EDAR: variants seen among roughly 807,000 people sequenced by gnomAD.
The protein encoded by EDAR is ectodysplasin A receptor, also known as tumor necrosis factor receptor superfamily member EDAR.
In EDAR, 38 loss-of-function variants were observed where a neutral mutation model predicts 51.3. That is an observed-to-expected ratio of 0.74 (90% CI 0.57 to 0.97). The LOEUF (loss-of-function observed/expected upper bound fraction) is 0.97. Ranked by LOEUF, EDAR falls within the 50% of genes least tolerant of loss-of-function variation. The pLI, the probability that EDAR is intolerant of heterozygous loss-of-function variation, is 0.00. For missense variants in EDAR, 528 were observed against 595.0 expected, an observed-to-expected ratio of 0.89 and a Z score of 1.17; for synonymous variants, 227 against 242.1, an observed-to-expected ratio of 0.94 and a Z score of 0.58.
rs143389238 is a variant in EDAR at position 108,917,402 on chromosome 2, G to C, written c.443-4638C>G. Among the ~76,000 whole-genome samples the C allele has an allele frequency of 4.7e-3, 721 of 152,318 alleles. 7 individuals carry two copies. Among genetic ancestry groups the C allele is most frequent in the South Asian group, 0.022 (107 of 4,828 alleles). ...TTGTATATTTCTCACAGCTACAAGA[G>C]AGGATTTGCAGTGTTCCCAACACAA... On this transcript the variant is annotated intron_variant, in intron 5 of 11. Transcript: ENST00000258443.
intron 5 of EDAR, among the ~76,000 whole-genome samples, chr2:108,918,747 C>T (rs1182510154): frequency 6.6e-6 from 1 of 152,192 alleles, no homozygotes; most frequent in Non-Finnish European, 1.5e-5. Flanking sequence ...CACAATAGCT[C>T]ATATGGGGGT....
At chr2:108,912,531 A>G (rs906874317) in intron 6 of EDAR, 147 bp downstream of exon 6, 5 of 771,668 alleles carry the variant, frequency 6.5e-6, no homozygotes, top group Non-Finnish European at 8.9e-6. Flanking sequence ...CACGGGGGGC[A>G]ACATGTCATT....
chr2:108,907,307 T>C (rs901959615), intron 10 of EDAR, among the ~76,000 whole-genome samples: 1 of 152,196 alleles, frequency 6.6e-6, no homozygotes, highest in Non-Finnish European at 1.5e-5. Flanking sequence ...TTACCTTTTT[T>C]CTCCTTGCTT....
At chr2:108,899,473 C>T (rs1245807070) in intron 11 of EDAR, among the ~76,000 whole-genome samples, 1 of 152,116 alleles carries the variant, frequency 6.6e-6, no homozygotes, top group East Asian at 1.9e-4. Flanking sequence ...AAGAATGAAA[C>T]TTGAGACATC....
At position 108,896,314 on chromosome 2, in the gene EDAR, A is replaced by G. The variant is rs575275838; in HGVS notation, c.*593T>C. 6.5e-6 allele frequency: 1 copy of G among 154,550 alleles called. No individual in the cohort carries two copies. Among genetic ancestry groups the G allele is most frequent in the Admixed American group, 6.3e-5 (1 of 15,852 alleles). The allele number at this position is 154,550 out of a possible 1,614,324, so 9.6% of individuals were successfully genotyped here. A position where few individuals can be genotyped will look rare whatever the true frequency, so the allele number is the denominator to read the frequency against. On this transcript the variant is annotated 3_prime_UTR_variant, in exon 12 of 12. Coordinates refer to ENST00000258443, the MANE Select transcript of EDAR (RefSeq NM_022336.4). ...AACAGACTTGTACTAAACCTGAAAT[A>G]ATACCTGGAGCAGGGTGTCTGCATT...
At chr2:108,942,698 C>G (rs1319277483) in intron 1 of EDAR, among the ~76,000 whole-genome samples, 2 of 152,248 alleles carry the variant, frequency 1.3e-5, no homozygotes, top group African/African-American at 4.8e-5. Flanking sequence ...CGTTCCTGTT[C>G]CCGCCTCTCC....
intron 5 of EDAR, among the ~76,000 whole-genome samples, chr2:108,918,949 G>A (rs1246164780): frequency 6.6e-6 from 1 of 152,162 alleles, no homozygotes; most frequent in African/African-American, 2.4e-5. Context: ...TGAACTGTGG[G>A]CAGACTCGCA....
In EDAR at chr2:108,937,720, T is replaced by C. The variant is rs138745135; in HGVS notation, c.-18-6688A>G. ...GTGTGTGAGTGTATGTGTGTGTATGTGTGTGTGTATCTGTGTATGAGTGTA... is the reference window on the plus strand; with the variant it reads ...GTGTGTGAGTGTATGTGTGTGTATGCGTGTGTGTATCTGTGTATGAGTGTA... On this transcript the variant is annotated intron_variant, in intron 1 of 11. Transcript: ENST00000258443. Among the ~76,000 whole-genome samples, 10 of 152,184 alleles carry C rather than the reference T, an allele frequency of 6.6e-5. No individual in the cohort carries two copies. In the East Asian group the frequency reaches 1.9e-3, roughly 29 times the overall value.
chr2:108,923,249 T>C (rs1280827748), intron 5 of EDAR, 119 bp downstream of exon 5: 2 of 978,502 alleles, frequency 2.0e-6, no homozygotes, highest in Non-Finnish European at 1.7e-6. Context: ...CTTTCACTAG[T>C]GCTGTTACTG....
rs1696574538 is a variant in EDAR, at chr2:108,895,806, G to A, written c.*1101C>T. On this transcript the variant is annotated 3_prime_UTR_variant, in exon 12 of 12. Transcript: ENST00000258443. Reference sequence around the variant, plus strand: ...AGCCCAGGCTCTCATTTGCGCTGCAGAACTCCACTTTCCCTGACTGGCTCA... The same window carrying A: ...AGCCCAGGCTCTCATTTGCGCTGCAAAACTCCACTTTCCCTGACTGGCTCA... 6.6e-6 allele frequency: 1 copy of A among 152,260 alleles called. No individual in the cohort carries two copies. Among genetic ancestry groups the A allele is most frequent in the Admixed American group, 6.5e-5 (1 of 15,282 alleles). The allele number at this position is 152,260 out of a possible 1,614,324, so 9.4% of individuals were successfully genotyped here. A position where few individuals can be genotyped will look rare whatever the true frequency, so the allele number is the denominator to read the frequency against.
intron 1 of EDAR, among the ~76,000 whole-genome samples, chr2:108,957,815 C>T (rs907119798): frequency 6.6e-6 from 1 of 152,196 alleles, no homozygotes; most frequent in Non-Finnish European, 1.5e-5. Context: ...CTAATTGATG[C>T]AGCTGTTGCC....
chr2:108,967,136 T>C (rs949689625), intron 1 of EDAR, among the ~76,000 whole-genome samples: 1 of 152,132 alleles, frequency 6.6e-6, no homozygotes, highest in African/African-American at 2.4e-5. Flanking sequence ...AGTTTTGTCA[T>C]GTTGGTTAGG....
rs1454086607 is a variant in EDAR at position 108,895,676 on chromosome 2, T to C, written c.*1231A>G. On this transcript the variant is annotated 3_prime_UTR_variant, in exon 12 of 12. Transcript: ENST00000258443. ...ACCTGAACCCTACCTGCCCCAATTATAGAATCACTAACTAACATCTCATTG... is the reference window on the plus strand; with the variant it reads ...ACCTGAACCCTACCTGCCCCAATTACAGAATCACTAACTAACATCTCATTG... The C allele has an allele frequency of 2.0e-5, 3 of 152,202 alleles. No homozygotes were observed. The highest frequency in any genetic ancestry group is 4.8e-5 in the African/African-American group (2 of 41,436). The allele number at this position is 152,202 out of a possible 1,614,324, so 9.4% of individuals were successfully genotyped here.
At chr2:108,935,799 C>T (rs774230755) in intron 1 of EDAR, among the ~76,000 whole-genome samples, 1 of 152,200 alleles carries the variant, frequency 6.6e-6, no homozygotes, top group African/African-American at 2.4e-5. Context: ...GGTCCCTGCT[C>T]TATTGGGCCT....
chr2:108,907,579 C>T (rs1050537766), intron 10 of EDAR, among the ~76,000 whole-genome samples: 18 of 150,708 alleles, frequency 1.2e-4, no homozygotes, highest in South Asian at 4.3e-4. Flanking sequence ...ACCCAGGAGG[C>T]GGAGGTTGTA....
intron 1 of EDAR, among the ~76,000 whole-genome samples, chr2:108,963,192 T>C (rs1698086536): frequency 6.6e-6 from 1 of 152,118 alleles, no homozygotes; most frequent in African/African-American, 2.4e-5. Context: ...TTTGGGAAAA[T>C]ACATCTGAAG....
intron 11 of EDAR, among the ~76,000 whole-genome samples, chr2:108,898,239 G>A (rs1169623593): frequency 6.6e-6 from 1 of 152,186 alleles, no homozygotes; most frequent in Non-Finnish European, 1.5e-5. Flanking sequence ...GCCAGGTGGT[G>A]TCAGGAAAGG....
rs1349702907 is a variant in EDAR, at chr2:108,919,791, C to T, written c.442+3577G>A. 2.0e-5 allele frequency among the ~76,000 whole-genome samples: 3 copies of T among 152,222 alleles called. No homozygotes were observed. The East Asian group carries it at 5.8e-4, about 29-fold the overall frequency. ...AGGCTCCGTGGGGCACCTGCCCTCT[C>T]CCCGCACTACGAAGCTGCCTCATGG... On this transcript the variant is annotated intron_variant, in intron 5 of 11. Transcript: ENST00000258443.
chr2:108,976,853 A>G (rs260598), intron 1 of EDAR, among the ~76,000 whole-genome samples: 40,338 of 151,692 alleles, frequency 0.27, 5,880 homozygotes, highest in African/African-American at 0.37. Flanking sequence ...TGGCACTACA[A>G]GGTGCTCCAG....
Sources: gnomAD v4.1 joint callset for allele counts (sites outside exome capture counted in the v4.1 genomes callset) on GRCh38, gnomAD v4.1.1 for gene constraint, MANE v1.5 for transcripts, NCBI Gene and HGNC (gene_info 2026-07-23, HGNC 2026-07-21) for gene names.